Variants in DST observed in about 807,000 individuals in gnomAD.
The protein encoded by DST is dystonin, also known as bullous pemphigoid antigen.
Under a neutral mutation model 875.2 loss-of-function variants are expected in DST, and 253 were observed. The observed-to-expected ratio is 0.29, with a 90% CI of 0.26 to 0.32. The LOEUF is 0.32. DST is among the 10% of genes least tolerant of loss of function. DST has a pLI of 1.00. For synonymous variants in DST, 3,124 were observed against 3,197.1 expected (o/e 0.98, Z 0.77); for missense variants, 8,287 against 9,111.6 (o/e 0.91, Z 3.68).
intron 4 of DST, among the ~76,000 whole-genome samples, chr6:56,746,282 G>A (rs1231223201): frequency 1.3e-5 from 2 of 152,068 alleles, no homozygotes; most frequent in African/African-American, 2.4e-5. Context: ...CACCTCACTC[G>A]GCCACAAAGA....
At chr6:56,810,741 C>G (rs952180326) in intron 4 of DST, among the ~76,000 whole-genome samples, 2 of 151,112 alleles carry the variant, frequency 1.3e-5, no homozygotes, top group Non-Finnish European at 2.9e-5. Flanking sequence ...ATCAGGGTAA[C>G]TCCAGGTATC....
chr6:56,812,962 T>C (rs1375635455), intron 4 of DST, among the ~76,000 whole-genome samples: 5 of 151,770 alleles, frequency 3.3e-5, no homozygotes, highest in South Asian at 4.2e-4. Flanking sequence ...CTATTCACAA[T>C]AGCAAAGACT....
intron 2 of DST, among the ~76,000 whole-genome samples, chr6:56,946,298 G>A (rs1385343088): frequency 2.0e-5 from 3 of 152,202 alleles, no homozygotes; most frequent in Admixed American, 6.5e-5. Flanking sequence ...TATCAATTTG[G>A]AAATCATTGG....
intron 103 of DST, among the ~76,000 whole-genome samples, chr6:56,459,522 C>A (rs1423412100): frequency 1.3e-5 from 2 of 152,130 alleles, no homozygotes; most frequent in Non-Finnish European, 2.9e-5. Flanking sequence ...AACAGGATTC[C>A]ATTTATTGCA....
chr6:56,771,786 CT>C (rs1426214349), intron 4 of DST, among the ~76,000 whole-genome samples: 2 of 152,202 alleles, frequency 1.3e-5, no homozygotes, highest in African/African-American at 2.4e-5. Context: ...ACCCTGTGGA[CT>C]TTTCTTCTAA....
intron 4 of DST, among the ~76,000 whole-genome samples, chr6:56,782,851 G>A (rs1249349099): frequency 6.6e-6 from 1 of 152,064 alleles, no homozygotes; most frequent in South Asian, 2.1e-4. Flanking sequence ...GCTTTCTCTT[G>A]TGGGCATTTA....
intron 82 of DST, among the ~76,000 whole-genome samples, chr6:56,496,387 T>TA (rs2095904507): frequency 6.6e-6 from 1 of 152,100 alleles, no homozygotes; most frequent in Non-Finnish European, 1.5e-5. Context: ...ACTGGACAGT[T>TA]AAACAGAAGC....
In DST at chr6:56,532,347, G is replaced by A. The variant is rs142922326; in HGVS notation, c.17105C>T (p.Thr5702Ile). Residue 5702 changes from threonine to isoleucine, a missense_variant, in exon 64 of 104, where the codon ACA becomes ATA. Transcript: ENST00000680361. The part of the protein sequence containing the change: ...RWEALLNKAE[T>I]RNRQLEGISV... ...GAACTGGAAGTATATAAGTTACCTT[G>A]TTTCAGCTTTATTAAGCAATGCCTC... is the stretch of plus-strand genomic sequence containing the variant. 6 of 1,613,220 alleles carry A rather than the reference G, an allele frequency of 3.7e-6. No homozygotes were observed. In the African/African-American group the frequency reaches 6.7e-5, roughly 18 times the overall value.
chr6:56,913,409 A>G (rs1799557492), intron 2 of DST, among the ~76,000 whole-genome samples: 1 of 152,168 alleles, frequency 6.6e-6, no homozygotes, highest in Admixed American at 6.5e-5. Flanking sequence ...TCTCCACCAA[A>G]GGTCAGCAAA....
intron 5 of DST, among the ~76,000 whole-genome samples, chr6:56,725,165 G>A (rs2099446002): frequency 1.3e-5 from 2 of 152,202 alleles, no homozygotes; most frequent in Admixed American, 1.3e-4. Context: ...TCAGTCCAGA[G>A]TCTGTGCTTT....
At chr6:56,930,585 G>A (rs2127760939) in intron 2 of DST, among the ~76,000 whole-genome samples, 1 of 152,282 alleles carries the variant, frequency 6.6e-6, no homozygotes, top group African/African-American at 2.4e-5. Flanking sequence ...CAATAAAACA[G>A]ATTCTAGACG....
intron 4 of DST, among the ~76,000 whole-genome samples, chr6:56,849,252 T>G (rs1039157651): frequency 1.3e-5 from 2 of 148,466 alleles, no homozygotes; most frequent in African/African-American, 5.0e-5. Context: ...TTCTCCTGCC[T>G]CAGCCTCTAG....
rs775898732 is a variant in DST at position 56,593,658 on chromosome 6, ATTACC to A, written c.12726_12726+4del. The A allele has an allele frequency of 6.7e-7, 1 of 1,491,724 alleles. No individual in the cohort carries two copies. Among genetic ancestry groups the A allele is most frequent in the East Asian group, 2.3e-5 (1 of 43,170 alleles). 92.4% of individuals were successfully genotyped at this position (1,491,724 alleles called of 1,614,324 possible). ...TTTTCCCTTAAAAAATCAAAATAACATTACCTTAGAGTAGAGAGACCTGAACCGAT... is the reference window on the plus strand; with the variant it reads ...TTTTCCCTTAAAAAATCAAAATAACATTAGAGTAGAGAGACCTGAACCGAT... On this transcript the variant is annotated splice_donor_variant and splice_donor_region_variant and coding_sequence_variant and intron_variant, in exon 48 of 104. Coordinates refer to ENST00000680361, the MANE Select transcript of DST (RefSeq NM_001374736.1). LOFTEE classifies it high-confidence loss of function.
chr6:56,564,061 T>C (rs1473371921), intron 55 of DST, among the ~76,000 whole-genome samples: 1 of 151,940 alleles, frequency 6.6e-6, no homozygotes, highest in Non-Finnish European at 1.5e-5. Flanking sequence ...CTATACGGGC[T>C]CTTTTTTGGT....
chr6:56,863,328 T>C (rs747701764), intron 3 of DST: 1 of 152,190 alleles, frequency 6.6e-6, no homozygotes, highest in Non-Finnish European at 1.5e-5. Context: ...TACACATATT[T>C]CTTATAACAT....
At chr6:56,589,149 G>A (rs916993711) in intron 49 of DST, among the ~76,000 whole-genome samples, 1 of 152,160 alleles carries the variant, frequency 6.6e-6, no homozygotes, top group East Asian at 1.9e-4. Context: ...TTTACTGAAT[G>A]AATAAATACA....
intron 3 of DST, among the ~76,000 whole-genome samples, chr6:56,885,398 T>A (rs1021114902): frequency 4.6e-5 from 7 of 152,226 alleles, no homozygotes; most frequent in African/African-American, 1.7e-4. Context: ...CCTACCATAC[T>A]GTTTTCTATA....
At chr6:56,721,789 G>A (rs371191152) in intron 5 of DST, among the ~76,000 whole-genome samples, 6 of 152,270 alleles carry the variant, frequency 3.9e-5, no homozygotes, top group Middle Eastern at 3.4e-3. Context: ...TTCATAAACC[G>A]ATTTAGGGAA....
intron 4 of DST, among the ~76,000 whole-genome samples, chr6:56,760,864 C>T (rs1181710732): frequency 1.3e-5 from 2 of 151,580 alleles, no homozygotes; most frequent in African/African-American, 4.8e-5. Flanking sequence ...TGAGATTAAA[C>T]AAAAAAAAGT....
Sources: gnomAD v4.1 joint callset for allele counts (sites outside exome capture counted in the v4.1 genomes callset) on GRCh38, gnomAD v4.1.1 for gene constraint, MANE v1.5 for transcripts, NCBI Gene and HGNC (gene_info 2026-07-23, HGNC 2026-07-21) for gene names.